Variants in C12orf56 observed in about 807,000 individuals in gnomAD.
C12orf56 encodes chromosome 12 open reading frame 56, also known as uncharacterized protein C12orf56.
In C12orf56, 71 loss-of-function variants were observed where a neutral mutation model predicts 69.9. The observed-to-expected ratio is 1.02, with a 90% CI of 0.84 to 1.24. The LOEUF is 1.24. C12orf56 is among the 50% of genes most tolerant of loss of function. The pLI is 0.00. For missense variants in C12orf56, 732 were observed against 738.5 expected (o/e 0.99, Z 0.10); for synonymous variants, 276 against 274.1 (o/e 1.01, Z -0.07).
intron 1 of C12orf56, among the ~76,000 whole-genome samples, chr12:64,358,331 G>A (rs1393951084): frequency 2.6e-5 from 4 of 151,034 alleles, no homozygotes; most frequent in East Asian, 2.0e-4. Context: ...GATGGCATGC[G>A]CCTGTAATCC....
intron 6 of C12orf56, among the ~76,000 whole-genome samples, chr12:64,286,490 A>G (rs1200657033): frequency 6.6e-6 from 1 of 152,258 alleles, no homozygotes; most frequent in Admixed American, 6.5e-5. Flanking sequence ...TAACTCAAAA[A>G]CAAATGTACA....
chr12:64,297,013 T>G (rs1330893117), intron 6 of C12orf56, among the ~76,000 whole-genome samples: 1 of 152,046 alleles, frequency 6.6e-6, no homozygotes, highest in African/African-American at 2.4e-5. Context: ...TTCTTATAAA[T>G]TACCAAGTTT....
chr12:64,280,781 A>G (rs937079029), intron 8 of C12orf56, among the ~76,000 whole-genome samples: 2 of 152,114 alleles, frequency 1.3e-5, no homozygotes, highest in African/African-American at 2.4e-5. Flanking sequence ...CAATCACCCA[A>G]ATGAGCTAGG....
intron 11 of C12orf56, among the ~76,000 whole-genome samples, chr12:64,272,551 C>T (rs2038003446): frequency 6.8e-6 from 1 of 147,664 alleles, no homozygotes; most frequent in African/African-American, 2.5e-5. Context: ...GGAAGGCTTA[C>T]ATGGGAAATG....
intron 4 of C12orf56, among the ~76,000 whole-genome samples, chr12:64,313,364 C>G (rs1467801927): frequency 6.6e-6 from 1 of 151,392 alleles, no homozygotes; most frequent in Non-Finnish European, 1.5e-5. Flanking sequence ...TTTTCCCTAC[C>G]CCTTCCATCC....
At chr12:64,386,398 A>ATTTT (rs768370363) in intron 1 of C12orf56, among the ~76,000 whole-genome samples, 79 of 87,330 alleles carry the variant, frequency 9.0e-4, no homozygotes, top group African/African-American at 3.8e-3. Flanking sequence ...ATATATATAT[A>ATTTT]TTTTTTTTTT....
At position 64,385,842 on chromosome 12, in the gene C12orf56, G is replaced by A. The variant is rs987465430; in HGVS notation, c.252+4472C>T. 4.6e-5 allele frequency among the ~76,000 whole-genome samples: 7 copies of A among 152,002 alleles called. No homozygotes were observed. The South Asian group carries it at 1.5e-3, about 32-fold the overall frequency. ...CTGCATAAATTACTCTTTCTCTATT[G>A]TGATTCCCCTGTCTTGATAAACTGG... On this transcript the variant is annotated intron_variant, in intron 1 of 12. Coordinates refer to ENST00000543942, the MANE Select transcript of C12orf56 (RefSeq NM_001170633.2).
intron 1 of C12orf56, among the ~76,000 whole-genome samples, chr12:64,387,077 C>CAATAAA (rs1201123599): frequency 2.4e-5 from 1 of 42,086 alleles, no homozygotes; most frequent in African/African-American, 1.1e-4. Context: ...GACTCTATCT[C>CAATAAA]AAAAAAAAAA....
At chr12:64,378,983 A>G (rs2039676930) in intron 1 of C12orf56, among the ~76,000 whole-genome samples, 1 of 151,660 alleles carries the variant, frequency 6.6e-6, no homozygotes, top group South Asian at 2.1e-4. Context: ...CCCAGGAGGC[A>G]GAGGTTGCAG....
intron 1 of C12orf56, among the ~76,000 whole-genome samples, chr12:64,368,650 C>A (rs1044077494): frequency 1.3e-5 from 2 of 152,078 alleles, no homozygotes; most frequent in African/African-American, 4.8e-5. Flanking sequence ...TAATTAAATT[C>A]TTATGGGCTA....
At position 64,266,743 on chromosome 12, in the gene C12orf56, C is replaced by A; in HGVS notation, c.*440G>T. The A allele has an allele frequency of 2.8e-6, 1 of 352,364 alleles. No homozygotes were observed. The highest frequency in any genetic ancestry group is 4.5e-5 in the Admixed American group (1 of 22,438). 21.8% of individuals were successfully genotyped at this position (352,364 alleles called of 1,614,324 possible). ...AACTTGAATGCCCATGCCTCAGGCC[C>A]CCACACTCCCCGGCATCCTATTGCT... On this transcript the variant is annotated 3_prime_UTR_variant, in exon 13 of 13. Transcript: ENST00000543942.
At chr12:64,371,495 C>T (rs1178464543) in intron 1 of C12orf56, among the ~76,000 whole-genome samples, 2 of 152,030 alleles carry the variant, frequency 1.3e-5, no homozygotes, top group African/African-American at 4.8e-5. Context: ...GGATTAAAGA[C>T]TTAAATGTTA....
At chr12:64,365,206 C>G (rs1251881041) in intron 1 of C12orf56, among the ~76,000 whole-genome samples, 1 of 145,184 alleles carries the variant, frequency 6.9e-6, no homozygotes, top group African/African-American at 2.5e-5. Context: ...CTCCTGTTGC[C>G]CCGGCTGGAG....
chr12:64,266,517 G>A lies in C12orf56; in HGVS notation c.*666C>T, dbSNP rs2037921277. 1 of 270,058 alleles carries A rather than the reference G, an allele frequency of 3.7e-6. No homozygotes were observed. Among genetic ancestry groups the A allele is most frequent in the African/African-American group, 2.3e-5 (1 of 44,346 alleles). 16.7% of individuals were successfully genotyped at this position (270,058 alleles called of 1,614,324 possible). On this transcript the variant is annotated 3_prime_UTR_variant, in exon 13 of 13. Coordinates refer to ENST00000543942, the MANE Select transcript of C12orf56 (RefSeq NM_001170633.2). ...TCTTGAGTGAGTGACCTTAGGCCCA[G>A]ACCAAGCTGTAATTCCAGAAGTGGC... is the stretch of plus-strand genomic sequence containing the variant.
chr12:64,390,369 G>A lies in C12orf56; in HGVS notation c.197C>T (p.Pro66Leu), dbSNP rs1307699173. Reference protein sequence around the residue: ...SDRLVYLTENPPKSIRRVVAL... With the variant: ...SDRLVYLTENLPKSIRRVVAL... ...CACTACCCGCCGGATGGACTTGGGC[G>A]GGTTCTCGGTTAGGTAGACGAGCCG... Residue 66 changes from proline (P) to leucine (L), a missense_variant, in exon 1 of 13, where the codon CCG becomes CTG. Coordinates refer to ENST00000543942, the MANE Select transcript of C12orf56 (RefSeq NM_001170633.2). 3 of 1,612,932 alleles carry A rather than the reference G, an allele frequency of 1.9e-6. No individual in the cohort carries two copies. Among genetic ancestry groups the A allele is most frequent in the African/African-American group, 1.3e-5 (1 of 74,888 alleles).
In C12orf56 at chr12:64,378,356, G is replaced by A. The variant is rs193043145; in HGVS notation, c.252+11958C>T. On this transcript the variant is annotated intron_variant, in intron 1 of 12. Transcript: ENST00000543942. ...TACTAAGTTAATTTCTCCCTGTCAT[G>A]GTGAATAAGCAAACATGTGCTGAGA... 9.3e-4 allele frequency among the ~76,000 whole-genome samples: 141 copies of A among 152,130 alleles called. 1 individual carries two copies. Among genetic ancestry groups the A allele is most frequent in the Admixed American group, 2.9e-3 (44 of 15,280 alleles).
At chr12:64,374,918 A>C (rs752219333) in intron 1 of C12orf56, among the ~76,000 whole-genome samples, 5 of 152,136 alleles carry the variant, frequency 3.3e-5, no homozygotes, top group Non-Finnish European at 5.9e-5. Context: ...TGCAAACATA[A>C]TTGCGGTTTT....
At chr12:64,316,272 T>G (rs1267433755) in intron 4 of C12orf56, among the ~76,000 whole-genome samples, 2 of 152,018 alleles carry the variant, frequency 1.3e-5, no homozygotes, top group Non-Finnish European at 2.9e-5. Context: ...TTTGTATTTT[T>G]TGTAGAGATG....
intron 1 of C12orf56, among the ~76,000 whole-genome samples, chr12:64,368,183 G>A (rs2039524216): frequency 6.6e-6 from 1 of 152,060 alleles, no homozygotes; most frequent in African/African-American, 2.4e-5. Context: ...GGCTACTGCA[G>A]CCTCAACCTG....
Sources: gnomAD v4.1 joint callset for allele counts (sites outside exome capture counted in the v4.1 genomes callset) on GRCh38, gnomAD v4.1.1 for gene constraint, MANE v1.5 for transcripts, NCBI Gene and HGNC (gene_info 2026-07-23, HGNC 2026-07-21) for gene names.